The following METTL15 variants were observed in gnomAD, a reference collection of about 807,000 sequenced individuals.
The protein encoded by METTL15 is methyltransferase 15, mitochondrial 12S rRNA N4-cytidine.
In METTL15, 34 loss-of-function variants were observed where a neutral mutation model predicts 38.3. That is an observed-to-expected ratio of 0.89 (90% confidence interval 0.68 to 1.18). METTL15 has a LOEUF of 1.18. Ranked by LOEUF, METTL15 falls within the 50% of genes most tolerant of loss-of-function variation. The pLI is 0.00. For synonymous variants in METTL15, 162 were observed against 170.9 expected, an observed-to-expected ratio of 0.95 and a Z score of 0.41; for missense variants, 438 against 498.4, an observed-to-expected ratio of 0.88 and a Z score of 1.15.
intron 5 of METTL15, among the ~76,000 whole-genome samples, chr11:28,378,331 A>T (rs941757465): frequency 6.6e-6 from 1 of 152,170 alleles, no homozygotes; most frequent in South Asian, 2.1e-4. Flanking sequence ...GGACCCTCTG[A>T]GCCAGGTGCG....
intron 4 of METTL15, among the ~76,000 whole-genome samples, chr11:28,238,312 G>T (rs900072328): frequency 2.0e-5 from 3 of 152,314 alleles, no homozygotes; most frequent in African/African-American, 4.8e-5. Flanking sequence ...GGGCAATGGT[G>T]GGCGCCCCTC....
chr11:28,340,967 T>A (rs946497920), intron 3 of METTL15, among the ~76,000 whole-genome samples: 1 of 152,202 alleles, frequency 6.6e-6, no homozygotes, highest in South Asian at 2.1e-4. Flanking sequence ...GTGGCACATA[T>A]ACACCATGGA....
At chr11:28,319,090 T>C (rs1849371620) in intron 6 of METTL15, among the ~76,000 whole-genome samples, 1 of 152,086 alleles carries the variant, frequency 6.6e-6, no homozygotes, top group Non-Finnish European at 1.5e-5. Context: ...AATGCACATC[T>C]CCCCAAGGGA....
chr11:28,282,560 A>G (rs1247452265), intron 4 of METTL15, among the ~76,000 whole-genome samples: 1 of 152,182 alleles, frequency 6.6e-6, no homozygotes, highest in African/African-American at 2.4e-5. Context: ...GAAGTCTGTT[A>G]CTATAGCCCT....
chr11:28,377,048 T>TC (rs1850323099), intron 5 of METTL15, among the ~76,000 whole-genome samples: 1 of 132,342 alleles, frequency 7.6e-6, no homozygotes. Flanking sequence ...CTGATGGGCT[T>TC]CCCTTTGAGG....
chr11:28,315,405 C>T (rs576457097), intron 6 of METTL15, among the ~76,000 whole-genome samples: 155 of 152,238 alleles, frequency 1.0e-3, no homozygotes, highest in African/African-American at 3.6e-3. Flanking sequence ...GATGATTTAG[C>T]GTACCTGGGG....
chr11:28,306,178 A>G (rs1857076713), intron 6 of METTL15, among the ~76,000 whole-genome samples: 1 of 152,062 alleles, frequency 6.6e-6, no homozygotes, highest in Non-Finnish European at 1.5e-5. Context: ...GGAAAAAGAG[A>G]AAAGAAAATG....
intron 3 of METTL15, among the ~76,000 whole-genome samples, chr11:28,146,279 C>T (rs1466211206): frequency 6.6e-6 from 1 of 151,912 alleles, no homozygotes; most frequent in Admixed American, 6.6e-5. Context: ...CTGGCGAGTG[C>T]TTGGATATTT....
At chr11:28,112,826 T>C (rs1456218488) in intron 2 of METTL15, among the ~76,000 whole-genome samples, 1 of 152,140 alleles carries the variant, frequency 6.6e-6, no homozygotes, top group African/African-American at 2.4e-5. Context: ...AGGGATAGTC[T>C]CTGAAGATGA....
At chr11:28,466,940 C>T (rs949647146) in intron 6 of METTL15, among the ~76,000 whole-genome samples, 2 of 152,166 alleles carry the variant, frequency 1.3e-5, no homozygotes, top group African/African-American at 4.8e-5. Flanking sequence ...ACTTTCTGCT[C>T]TAGGGAGGTT....
At chr11:28,526,847 A>T (rs181921166) in exon 8 of METTL15, 1 of 152,354 alleles carries the variant, frequency 6.6e-6, no homozygotes, top group East Asian at 1.9e-4. Flanking sequence ...TTTCTCAGTC[A>T]TGATTTTCTC....
At chr11:28,334,033 T>C (rs1387693452), downstream of METTL15, among the ~76,000 whole-genome samples, 1 of 151,914 alleles carries the variant, frequency 6.6e-6, no homozygotes, top group South Asian at 2.1e-4. Context: ...ATTTGAAATC[T>C]GTCATTCAAA....
intron 2 of METTL15, among the ~76,000 whole-genome samples, chr11:28,110,663 C>T (rs1851681568): frequency 1.3e-5 from 2 of 152,092 alleles, no homozygotes; most frequent in Non-Finnish European, 2.9e-5. Context: ...GTGTGCCAGC[C>T]GCCACGTCGC....
At chr11:28,200,093 A>G (rs572940743) in intron 3 of METTL15, among the ~76,000 whole-genome samples, 17 of 152,274 alleles carry the variant, frequency 1.1e-4, no homozygotes, top group African/African-American at 3.8e-4. Flanking sequence ...CAAGTTATCC[A>G]AATGGCATGC....
At chr11:28,143,462 T>C (rs1365164293) in intron 3 of METTL15, among the ~76,000 whole-genome samples, 3 of 152,184 alleles carry the variant, frequency 2.0e-5, no homozygotes, top group African/African-American at 7.2e-5. Flanking sequence ...TTCCATTCTT[T>C]TTTCAAAAAC....
At chr11:28,369,083 A>AT (rs903894494) in intron 5 of METTL15, among the ~76,000 whole-genome samples, 3 of 152,080 alleles carry the variant, frequency 2.0e-5, no homozygotes, top group Non-Finnish European at 4.4e-5. Context: ...GCAAGCCACC[A>AT]TGGCACCTGT....
chr11:28,425,674 TAGTA>T (rs966513327), intron 6 of METTL15, among the ~76,000 whole-genome samples: 35 of 152,180 alleles, frequency 2.3e-4, no homozygotes, highest in African/African-American at 8.2e-4. Flanking sequence ...CAGAGCGTTG[TAGTA>T]AGTATTTCTA....
chr11:28,302,151 G>A (rs1856935802), intron 6 of METTL15, among the ~76,000 whole-genome samples: 1 of 151,956 alleles, frequency 6.6e-6, no homozygotes, highest in Non-Finnish European at 1.5e-5. Context: ...GGCTTCAAGC[G>A]ATCCCCAACC....
At chr11:28,130,854 TATTA>T (rs746708276) in intron 3 of METTL15, among the ~76,000 whole-genome samples, 5 of 152,232 alleles carry the variant, frequency 3.3e-5, no homozygotes, top group African/African-American at 4.8e-5. Context: ...ATTCAGTGTA[TATTA>T]ATTAAATCCT....
Sources: allele counts gnomAD v4.1 joint callset (sites outside exome capture counted in the v4.1 genomes callset), GRCh38; gene constraint gnomAD v4.1.1; transcripts MANE v1.5; gene names NCBI Gene and HGNC (gene_info 2026-07-23, HGNC 2026-07-21).